NWD1: variants seen among roughly 807,000 people sequenced by gnomAD.
The protein encoded by NWD1 is NACHT and WD repeat domain containing 1, also known as NACHT domain- and WD repeat-containing protein 1.
NWD1 carries 129 observed loss-of-function variants against 135.1 expected under a neutral mutation model. The ratio of observed to expected loss-of-function variants is 0.96; its 90% CI spans 0.83 to 1.11. NWD1 has a LOEUF of 1.11. Among genes scored for constraint, NWD1 ranks in the 50% least tolerant of loss-of-function variants. The pLI, the probability that NWD1 is intolerant of heterozygous loss-of-function variation, is 0.00. For missense variants in NWD1, 1,740 were observed against 1,851.3 expected (o/e 0.94, Z 1.10); for synonymous variants, 773 against 786.0 (o/e 0.98, Z 0.28).
Position 16,797,905 on chromosome 19 carries a change from C to T in NWD1, c.3459+19C>T. The T allele has an allele frequency of 6.3e-7, 1 of 1,599,794 alleles. No individual in the cohort carries two copies. The highest frequency in any genetic ancestry group is 8.5e-7 in the Non-Finnish European group (1 of 1,171,824). On this transcript the variant is annotated intron_variant, in intron 16 of 18. Transcript: ENST00000524140. Reference sequence around the variant, plus strand: ...CATTCAGGTGAGGGGAGATCTGGGACCCTTCATCCTCACCTCCACCTCGGG... The same window carrying T: ...CATTCAGGTGAGGGGAGATCTGGGATCCTTCATCCTCACCTCCACCTCGGG...
chr19:16,761,804 G>GA (rs11334873), intron 7 of NWD1, among the ~76,000 whole-genome samples, 175 bp from the exon 8 acceptor site: 45 of 148,332 alleles, frequency 3.0e-4, no homozygotes, highest in African/African-American at 7.6e-4. Flanking sequence ...TTGATGTAAG[G>GA]AAAAAAAAAA....
intron 2 of NWD1, among the ~76,000 whole-genome samples, chr19:16,728,635 G>A (rs968155526): frequency 6.6e-6 from 1 of 151,312 alleles, no homozygotes; most frequent in East Asian, 2.0e-4. Flanking sequence ...CTGGTTCGGG[G>A]AATGGACACA....
chr19:16,769,779 G>A (rs1027324259), intron 10 of NWD1, among the ~76,000 whole-genome samples: 3 of 152,166 alleles, frequency 2.0e-5, no homozygotes, highest in South Asian at 2.1e-4. Context: ...ATGTCTCCCC[G>A]ATCCTTGCCT....
At chr19:16,735,419 T>C (rs1025006732) in intron 3 of NWD1, among the ~76,000 whole-genome samples, 1 of 150,174 alleles carries the variant, frequency 6.7e-6, no homozygotes, top group African/African-American at 2.5e-5. Flanking sequence ...GGCAGGAGAA[T>C]TGCTTGAACT....
intron 17 of NWD1, among the ~76,000 whole-genome samples, chr19:16,807,007 ACT>A (rs1264630304): frequency 6.6e-6 from 1 of 151,724 alleles, no homozygotes; most frequent in African/African-American, 2.4e-5. Context: ...ACGAAGCCAG[ACT>A]CTGTCTAAAA....
At position 16,797,623 on chromosome 19, in the gene NWD1, C is replaced by G; in HGVS notation, c.3305-109C>G. On this transcript the variant is annotated intron_variant, in intron 15 of 18. Coordinates refer to ENST00000524140, the MANE Select transcript of NWD1 (RefSeq NM_001007525.5). Reference sequence around the variant, plus strand: ...TTGGCGTCCCAAAGTGCTGGGATTACAGGCATGAACCACCACATCCGGCCT... The same window carrying G: ...TTGGCGTCCCAAAGTGCTGGGATTAGAGGCATGAACCACCACATCCGGCCT... 3 of 1,014,108 alleles carry G rather than the reference C, an allele frequency of 3.0e-6. No homozygotes were observed. The South Asian group carries it at 4.6e-5, about 16-fold the overall frequency. The allele number at this position is 1,014,108 out of a possible 1,614,324, so 62.8% of individuals were successfully genotyped here. A position where few individuals can be genotyped will look rare whatever the true frequency, so the allele number is the denominator to read the frequency against.
chr19:16,728,355 A>G, intron 2 of NWD1, among the ~76,000 whole-genome samples: 1 of 138,072 alleles, frequency 7.2e-6, no homozygotes, highest in East Asian at 2.1e-4. Flanking sequence ...TGCGATCTGG[A>G]CTCACTATTA....
intron 6 of NWD1, among the ~76,000 whole-genome samples, chr19:16,758,297 G>C (rs998608674): frequency 4.6e-5 from 7 of 152,094 alleles, no homozygotes; most frequent in African/African-American, 1.7e-4. Flanking sequence ...TTATTTTAGA[G>C]ACAGGGCCTC....
intron 12 of NWD1, among the ~76,000 whole-genome samples, chr19:16,788,001 G>C (rs1016569564): frequency 1.4e-5 from 2 of 147,920 alleles, no homozygotes; most frequent in Admixed American, 6.8e-5. Context: ...GGCCGAGGTG[G>C]GTAGATCACC....
At chr19:16,776,942 A>G (rs1337812250) in intron 11 of NWD1, among the ~76,000 whole-genome samples, 1 of 95,928 alleles carries the variant, frequency 1.0e-5, no homozygotes, top group Non-Finnish European at 1.8e-5. Flanking sequence ...ACCCTATCTG[A>G]AAAAAAAAAA....
In NWD1 at chr19:16,815,471, T is replaced by G. The variant is rs1971043971; in HGVS notation, c.*432T>G. ...AGATTATGGCTTCAGACCTTGTCTCTTCTCATCTTTCCATTATTCTTTCCT... is the reference window on the plus strand; with the variant it reads ...AGATTATGGCTTCAGACCTTGTCTCGTCTCATCTTTCCATTATTCTTTCCT... On this transcript the variant is annotated 3_prime_UTR_variant, in exon 19 of 19. Transcript: ENST00000524140. 1 of 583,224 alleles carries G rather than the reference T, an allele frequency of 1.7e-6. No homozygotes were observed. Among genetic ancestry groups the G allele is most frequent in the Non-Finnish European group, 3.0e-6 (1 of 330,454 alleles). The allele number at this position is 583,224 out of a possible 1,614,324, so 36.1% of individuals were successfully genotyped here. A position where few individuals can be genotyped will look rare whatever the true frequency, so the allele number is the denominator to read the frequency against.
At chr19:16,781,958 A>T (rs917707482) in intron 12 of NWD1, among the ~76,000 whole-genome samples, 6 of 150,730 alleles carry the variant, frequency 4.0e-5, no homozygotes, top group African/African-American at 1.5e-4. Context: ...GCTGGGCGTG[A>T]TGGTGGGTGC....
intron 4 of NWD1, among the ~76,000 whole-genome samples, chr19:16,741,178 A>T (rs1055111256): frequency 6.6e-6 from 1 of 151,910 alleles, no homozygotes; most frequent in Non-Finnish European, 1.5e-5. Flanking sequence ...GAAAAGGGGG[A>T]GGGGACAGCC....
intron 11 of NWD1, among the ~76,000 whole-genome samples, chr19:16,774,144 C>CCCAT (rs141501682): frequency 1.0e-4 from 15 of 148,250 alleles, no homozygotes; most frequent in Non-Finnish European, 1.2e-4. Flanking sequence ...CATCTACTGC[C>CCCAT]CCATCCATCC....
At chr19:16,730,844 CAT>C (rs1967527718) in intron 2 of NWD1, among the ~76,000 whole-genome samples, 1 of 151,580 alleles carries the variant, frequency 6.6e-6, no homozygotes, top group Non-Finnish European at 1.5e-5. Flanking sequence ...GCCTAGGAAA[CAT>C]AAGGAGACTC....
intron 4 of NWD1, among the ~76,000 whole-genome samples, chr19:16,743,457 C>CT (rs915950452): frequency 5.3e-5 from 8 of 152,158 alleles, no homozygotes; most frequent in Middle Eastern, 3.4e-3. Flanking sequence ...ATCCTCCTGC[C>CT]TTGGCCTCCC....
In NWD1 at chr19:16,749,678, G is replaced by C; in HGVS notation, c.1036G>C (p.Gly346Arg). Residue 346 changes from glycine (G) to arginine (R), a missense_variant, in exon 6 of 19, where the codon GGA becomes CGA. Transcript: ENST00000524140. ...GGTACTCTTTGGGCCCCCAGGCATTGGAAAGACAGCCCTGATGTGCAAGCT... is the reference window on the plus strand; with the variant it reads ...GGTACTCTTTGGGCCCCCAGGCATTCGAAAGACAGCCCTGATGTGCAAGCT... Reference protein sequence around the residue: ...PLVLFGPPGIGKTALMCKLAE... With the variant: ...PLVLFGPPGIRKTALMCKLAE... 6.3e-7 allele frequency: 1 copy of C among 1,599,590 alleles called. No individual in the cohort carries two copies. Among genetic ancestry groups the C allele is most frequent in the Non-Finnish European group, 8.5e-7 (1 of 1,170,764 alleles).
chr19:16,815,012 C>T lies in NWD1; in HGVS notation c.4288-16C>T, dbSNP rs1286485500. The T allele has an allele frequency of 6.2e-7, 1 of 1,611,632 alleles. No homozygotes were observed. The highest frequency in any genetic ancestry group is 2.2e-5 in the East Asian group (1 of 44,874). On this transcript the variant is annotated splice_polypyrimidine_tract_variant and intron_variant, in intron 18 of 18. Coordinates refer to ENST00000524140, the MANE Select transcript of NWD1 (RefSeq NM_001007525.5). ...CCCCATTTTTCTCATTTGTGTCCTT[C>T]TCTTCACCCTTACAGGCACCCTGCT...
At chr19:16,783,370 C>T (rs992293105) in intron 12 of NWD1, among the ~76,000 whole-genome samples, 4 of 152,072 alleles carry the variant, frequency 2.6e-5, no homozygotes, top group Non-Finnish European at 4.4e-5. Context: ...AACGGTGGCT[C>T]ATGCCTGTAA....
Sources: allele counts gnomAD v4.1 joint callset (sites outside exome capture counted in the v4.1 genomes callset), GRCh38; gene constraint gnomAD v4.1.1; transcripts MANE v1.5; gene names NCBI Gene and HGNC (gene_info 2026-07-23, HGNC 2026-07-21).